Variants in FRMD3 observed in about 807,000 individuals in gnomAD.
The protein encoded by FRMD3 is FERM domain containing 3, also known as FERM domain-containing protein 3.
Under a neutral mutation model 70.2 loss-of-function variants are expected in FRMD3, and 33 were observed. The ratio of observed to expected loss-of-function variants is 0.47; its 90% confidence interval spans 0.36 to 0.63. FRMD3 has a LOEUF of 0.63. Ranked by LOEUF, FRMD3 falls within the 20% of genes least tolerant of loss-of-function variation. FRMD3 has a pLI of 0.00. For missense variants in FRMD3, 632 were observed against 711.4 expected, an observed-to-expected ratio of 0.89 and a Z score of 1.27; for synonymous variants, 279 against 255.9, an observed-to-expected ratio of 1.09 and a Z score of -0.86.
chr9:83,415,619 T>C lies in FRMD3; in HGVS notation c.148-25911A>G, dbSNP rs533692362. ...CACCACGACTGACTAATTTTCTTTT[T>C]TTTTTTTTTTTTTTGGATTTTTACT... On this transcript the variant is annotated intron_variant, in intron 1 of 13. Transcript: ENST00000304195. 3.4e-5 allele frequency among the ~76,000 whole-genome samples: 5 copies of C among 147,334 alleles called. No individual in the cohort carries two copies. The South Asian group carries it at 6.6e-4, about 20-fold the overall frequency.
At chr9:83,283,914 C>T (rs1304934050) in intron 13 of FRMD3, among the ~76,000 whole-genome samples, 2 of 152,158 alleles carry the variant, frequency 1.3e-5, no homozygotes, top group Admixed American at 6.5e-5. Flanking sequence ...TGTTTTCATG[C>T]ACCAGTGTTT....
intron 1 of FRMD3, among the ~76,000 whole-genome samples, chr9:83,406,606 C>T (rs1358752675): frequency 6.6e-6 from 1 of 152,206 alleles, no homozygotes; most frequent in Non-Finnish European, 1.5e-5. Flanking sequence ...GATAACCCTC[C>T]CAGATCAGAA....
chr9:83,350,782 G>A, intron 3 of FRMD3: 1 of 965,700 alleles, frequency 1.0e-6, no homozygotes, highest in Non-Finnish European at 1.2e-6. Context: ...GTTCTAATTT[G>A]CCTCAAATAT....
At chr9:83,437,026 G>T (rs765319414) in intron 1 of FRMD3, among the ~76,000 whole-genome samples, 11 of 152,164 alleles carry the variant, frequency 7.2e-5, no homozygotes, top group Admixed American at 5.9e-4. Flanking sequence ...CATCTGCAAT[G>T]GTTCCACCAT....
At chr9:83,563,418 A>C in the FRMD3 span, among the ~76,000 whole-genome samples, 4 of 152,182 alleles carry the variant, frequency 2.6e-5, no homozygotes, top group African/African-American at 9.6e-5. Context: ...AGACCCCAAC[A>C]AAAAGCTGGG....
chr9:83,556,528 A>C, the FRMD3 span, among the ~76,000 whole-genome samples: 1 of 152,180 alleles, frequency 6.6e-6, no homozygotes, highest in South Asian at 2.1e-4. Flanking sequence ...TGCTCTTTTC[A>C]CATTTTTTAC....
intron 13 of FRMD3, chr9:83,267,127 G>A (rs1319613303): frequency 6.4e-7 from 1 of 1,550,654 alleles, no homozygotes. Flanking sequence ...TCTTGACCAA[G>A]CATTTTGCCA....
At chr9:83,312,173 T>C (rs939680811) in intron 7 of FRMD3, among the ~76,000 whole-genome samples, 198 bp from the exon 8 acceptor site, 1 of 152,204 alleles carries the variant, frequency 6.6e-6, no homozygotes, top group Admixed American at 6.5e-5. Flanking sequence ...CAGGAATATG[T>C]AGCTTTTCCC....
intron 1 of FRMD3, among the ~76,000 whole-genome samples, chr9:83,485,547 G>A (rs1340706479): frequency 6.6e-6 from 1 of 152,176 alleles, no homozygotes; most frequent in Non-Finnish European, 1.5e-5. Flanking sequence ...ATCTAAAGCT[G>A]GCTTTCCTGT....
At chr9:83,507,366 C>CAA (rs61570991) in intron 1 of FRMD3, among the ~76,000 whole-genome samples, 18,858 of 46,522 alleles carry the variant, frequency 0.41, 4,372 homozygotes, top group Non-Finnish European at 0.46. Flanking sequence ...GACTCCGTCT[C>CAA]AAAAAAAAAA....
chr9:83,560,944 T>A, the FRMD3 span, among the ~76,000 whole-genome samples: 5 of 152,318 alleles, frequency 3.3e-5, no homozygotes, highest in East Asian at 7.7e-4. Context: ...AGAACTGAGA[T>A]GAAAGAAAAG....
chr9:83,437,483 C>T (rs911119501), intron 1 of FRMD3, among the ~76,000 whole-genome samples: 1 of 152,166 alleles, frequency 6.6e-6, no homozygotes, highest in African/African-American at 2.4e-5. Flanking sequence ...TTGAAAATTA[C>T]ACCTTGAGAT....
rs191519331 is a variant in FRMD3 at position 83,402,687 on chromosome 9, C to G, written c.148-12979G>C. On this transcript the variant is annotated intron_variant, in intron 1 of 13. Coordinates refer to ENST00000304195, the MANE Select transcript of FRMD3 (RefSeq NM_174938.6). ...CATGGAAGTCCACATGTATCAGCCT[C>G]AGCAGGGCTCAGACACATTTTTAAA... is the stretch of plus-strand genomic sequence containing the variant. 2.3e-4 allele frequency among the ~76,000 whole-genome samples: 35 copies of G among 152,206 alleles called. No homozygotes were observed. The East Asian group carries it at 6.8e-3, about 29-fold the overall frequency.
At chr9:83,299,363 T>G (rs576642090) in intron 10 of FRMD3, among the ~76,000 whole-genome samples, 177 bp from the exon 11 acceptor site, 2 of 152,364 alleles carry the variant, frequency 1.3e-5, no homozygotes, top group South Asian at 4.1e-4. Context: ...AATAGTTACT[T>G]TCACTATGTG....
chr9:83,370,710 G>A (rs904898854), intron 3 of FRMD3, among the ~76,000 whole-genome samples: 4 of 152,196 alleles, frequency 2.6e-5, no homozygotes, highest in East Asian at 1.9e-4. Context: ...TCAGAAGTTC[G>A]AGACCAGCCT....
At chr9:83,561,040 A>C in the FRMD3 span, among the ~76,000 whole-genome samples, 3 of 152,208 alleles carry the variant, frequency 2.0e-5, no homozygotes, top group Non-Finnish European at 4.4e-5. Context: ...GTTAGGAAAC[A>C]CTTCCTTCTC....
chr9:83,472,343 C>A (rs1283738171), intron 1 of FRMD3, among the ~76,000 whole-genome samples: 1 of 152,200 alleles, frequency 6.6e-6, no homozygotes, highest in Non-Finnish European at 1.5e-5. Context: ...CAAGGAACAT[C>A]TGTTATGACA....
At position 83,247,790 on chromosome 9, in the gene FRMD3, G is replaced by T; in HGVS notation, c.*128C>A. The T allele has an allele frequency of 1.3e-6, 2 of 1,492,578 alleles. No homozygotes were observed. The highest frequency in any genetic ancestry group is 1.8e-6 in the Non-Finnish European group (2 of 1,126,318). The allele number at this position is 1,492,578 out of a possible 1,614,324, so 92.5% of individuals were successfully genotyped here. A position where few individuals can be genotyped will look rare whatever the true frequency, so the allele number is the denominator to read the frequency against. ...TGAATTATGGAAAGCTAACTTAAAG[G>T]TTTGAATAATCAATTATGAGTAAGG... On this transcript the variant is annotated 3_prime_UTR_variant, in exon 14 of 14. Transcript: ENST00000304195.
intron 1 of FRMD3, among the ~76,000 whole-genome samples, chr9:83,440,527 C>A (rs946538925): frequency 1.4e-4 from 21 of 152,178 alleles, no homozygotes; most frequent in African/African-American, 4.3e-4. Context: ...CAATTGTCAC[C>A]CCCAGCCTCC....
Sources: allele counts gnomAD v4.1 joint callset (sites outside exome capture counted in the v4.1 genomes callset), GRCh38; gene constraint gnomAD v4.1.1; transcripts MANE v1.5; gene names NCBI Gene and HGNC (gene_info 2026-07-23, HGNC 2026-07-21).